PTPRD: variants seen among roughly 807,000 people sequenced by gnomAD.
PTPRD encodes the protein receptor-type tyrosine-protein phosphatase delta.
A neutral mutation model predicts 214.5 loss-of-function variants in PTPRD; 34 were observed. The ratio of observed to expected loss-of-function variants is 0.16; its 90% CI spans 0.12 to 0.21. The LOEUF (loss-of-function observed/expected upper bound fraction) is 0.21, where lower values mean the gene tolerates loss of function less well. PTPRD is among the 10% of genes least tolerant of loss of function. The probability of loss-of-function intolerance (pLI) is 1.00; values close to 1 mark genes in which losing one functional copy is unlikely to be tolerated. For synonymous variants in PTPRD, 1,128 were observed against 845.7 expected, an observed-to-expected ratio of 1.33 and a Z score of -5.79; for missense variants, 2,545 against 2,398.7, an observed-to-expected ratio of 1.06 and a Z score of -1.27.
intron 8 of PTPRD, among the ~76,000 whole-genome samples, chr9:9,489,982 CAA>C (rs200632324): frequency 6.6e-6 from 1 of 151,902 alleles, no homozygotes; most frequent in Non-Finnish European, 1.5e-5. Flanking sequence ...AAGCCAGAAA[CAA>C]AGAGAAAATC....
In PTPRD at chr9:10,139,064, T is replaced by G. The variant is rs559300633; in HGVS notation, c.-544-105274A>C. ...AGAGAAATCAAGCAAGAGAAAAAAA[T>G]AAAGAGGCATCCAAATAGAAAAAGA... On this transcript the variant is annotated intron_variant, in intron 3 of 45. Transcript: ENST00000381196. Among the ~76,000 whole-genome samples, 172 of 151,840 alleles carry G rather than the reference T, an allele frequency of 1.1e-3. 1 individual carries two copies. The South Asian group carries it at 0.017, about 15-fold the overall frequency.
At chr9:8,696,233 A>G (rs769455252) in intron 12 of PTPRD, among the ~76,000 whole-genome samples, 2 of 152,164 alleles carry the variant, frequency 1.3e-5, no homozygotes, top group Non-Finnish European at 2.9e-5. Context: ...GGCCTCTACC[A>G]TTCTTGCTTT....
chr9:10,404,505 T>C (rs1429196879), intron 2 of PTPRD, among the ~76,000 whole-genome samples: 5 of 151,866 alleles, frequency 3.3e-5, no homozygotes, highest in Admixed American at 2.6e-4. Context: ...ACAGTTTAGA[T>C]AATCATAGTA....
chr9:10,136,171 A>C (rs1417734656), intron 3 of PTPRD, among the ~76,000 whole-genome samples: 4 of 152,046 alleles, frequency 2.6e-5, no homozygotes, highest in African/African-American at 9.7e-5. Context: ...TATTCAATTC[A>C]ACAAGAACAC....
intron 5 of PTPRD, among the ~76,000 whole-genome samples, chr9:9,829,513 T>C (rs1330867214): frequency 6.6e-6 from 1 of 151,862 alleles, no homozygotes; most frequent in Non-Finnish European, 1.5e-5. Flanking sequence ...CCTAAAATAA[T>C]ATTTGTAATC....
intron 9 of PTPRD, among the ~76,000 whole-genome samples, chr9:9,242,464 T>C (rs1417582856): frequency 6.6e-5 from 10 of 152,280 alleles, no homozygotes; most frequent in East Asian, 5.8e-4. Flanking sequence ...CCATTCTCCC[T>C]GTCACTTTCA....
At chr9:9,193,085 T>C (rs1201318206) in intron 9 of PTPRD, among the ~76,000 whole-genome samples, 4 of 152,158 alleles carry the variant, frequency 2.6e-5, no homozygotes, top group Non-Finnish European at 5.9e-5. Flanking sequence ...GACCTGACTA[T>C]GAAATTCCAT....
chr9:8,521,481 C>T lies in PTPRD; in HGVS notation c.757G>A (p.Val253Ile), dbSNP rs760428875. Residue 253 changes from valine (V) to isoleucine (I), a missense_variant, in exon 20 of 46, where the codon GTT (valine) becomes ATT (isoleucine). Coordinates refer to ENST00000381196, the MANE Select transcript of PTPRD (RefSeq NM_002839.4). ...TNHEIMPGGS[V>I]NITCVAVGSP... ...CCCACGGCCACACAGGTGATATTAACGCTTCCGCCTGGCATGATTTCATGA... is the reference window on the plus strand; with the variant it reads ...CCCACGGCCACACAGGTGATATTAATGCTTCCGCCTGGCATGATTTCATGA... The T allele has an allele frequency of 7.8e-5, 126 of 1,613,842 alleles. No homozygotes were observed. The highest frequency in any genetic ancestry group is 6.9e-4 in the South Asian group (63 of 91,076).
chr9:9,918,130 C>A (rs1373374029), intron 5 of PTPRD, among the ~76,000 whole-genome samples: 1 of 151,884 alleles, frequency 6.6e-6, no homozygotes, highest in Non-Finnish European at 1.5e-5. Flanking sequence ...ACCTAGATGA[C>A]ATGATTTTGT....
intron 5 of PTPRD, among the ~76,000 whole-genome samples, chr9:9,826,284 T>C (rs910743280): frequency 5.9e-5 from 9 of 151,874 alleles, no homozygotes; most frequent in Non-Finnish European, 1.2e-4. Flanking sequence ...CTGAAATGAT[T>C]TTCTTTTATC....
chr9:9,240,838 A>G (rs1448274525), intron 9 of PTPRD, among the ~76,000 whole-genome samples: 1 of 152,182 alleles, frequency 6.6e-6, no homozygotes, highest in Non-Finnish European at 1.5e-5. Context: ...TTCGCTCATC[A>G]GGTTTCTAAT....
In PTPRD at chr9:9,823,233, C is replaced by T. The variant is rs568744345; in HGVS notation, c.-367-56382G>A. Reference sequence around the variant, plus strand: ...TTTATAGGAAGCACAGTGCCTCCATCTGCCTGGCTTCTGGGAAGGCCTCAG... The same window carrying T: ...TTTATAGGAAGCACAGTGCCTCCATTTGCCTGGCTTCTGGGAAGGCCTCAG... On this transcript the variant is annotated intron_variant, in intron 5 of 45. Transcript: ENST00000381196. 3.3e-5 allele frequency among the ~76,000 whole-genome samples: 5 copies of T among 152,238 alleles called. No individual in the cohort carries two copies. The East Asian group carries it at 9.7e-4, about 29-fold the overall frequency.
chr9:9,595,665 C>A (rs1241641487), intron 7 of PTPRD, among the ~76,000 whole-genome samples: 2 of 151,676 alleles, frequency 1.3e-5, no homozygotes, highest in Non-Finnish European at 2.9e-5. Context: ...AGATTGCAGG[C>A]TACTATTCTA....
At chr9:8,762,632 G>C (rs1376703427) in intron 11 of PTPRD, among the ~76,000 whole-genome samples, 1 of 152,070 alleles carries the variant, frequency 6.6e-6, no homozygotes, top group Non-Finnish European at 1.5e-5. Context: ...AAAATTAATG[G>C]CCTGCTGCAG....
chr9:10,366,134 C>T (rs567693453), intron 2 of PTPRD, among the ~76,000 whole-genome samples: 1 of 152,240 alleles, frequency 6.6e-6, no homozygotes, highest in Non-Finnish European at 1.5e-5. Flanking sequence ...GTGGGAGGCT[C>T]ATCTTTGGTT....
chr9:9,849,223 A>C (rs2060097067), intron 5 of PTPRD, among the ~76,000 whole-genome samples: 1 of 152,184 alleles, frequency 6.6e-6, no homozygotes, highest in African/African-American at 2.4e-5. Flanking sequence ...GCAGATCCCA[A>C]AGGATCACGC....
Position 10,433,014 on chromosome 9 carries a change from G to A in PTPRD, c.-599-91997C>T, listed in dbSNP as rs1484588180. 1.4e-4 allele frequency among the ~76,000 whole-genome samples: 21 copies of A among 151,662 alleles called. No individual in the cohort carries two copies. The Admixed American group carries it at 1.4e-3, about 10-fold the overall frequency. ...TACGTAAGTCCCTGTTACTAATATA[G>A]CTCCTCCTTTTTTTGTTTTAGTTTA... On this transcript the variant is annotated intron_variant, in intron 2 of 45. Coordinates refer to ENST00000381196, the MANE Select transcript of PTPRD (RefSeq NM_002839.4).
Position 8,948,221 on chromosome 9 carries a change from T to G in PTPRD, c.-104+70476A>C, listed in dbSNP as rs2099077852. On this transcript the variant is annotated intron_variant, in intron 11 of 45. Coordinates refer to ENST00000381196, the MANE Select transcript of PTPRD (RefSeq NM_002839.4). The stretch of plus-strand genomic sequence containing the variant: ...TTTTAGTAAGGATGGGGTTTCACCA[T>G]GTTGGCCAGGATAGTCTCCATCTCT... Among the ~76,000 whole-genome samples the G allele has an allele frequency of 3.4e-5, 5 of 148,974 alleles. No homozygotes were observed. The South Asian group carries it at 1.1e-3, about 32-fold the overall frequency.
chr9:9,844,149 A>C (rs998135351), intron 5 of PTPRD, among the ~76,000 whole-genome samples: 7 of 151,906 alleles, frequency 4.6e-5, no homozygotes, highest in Admixed American at 1.3e-4. Context: ...TACTGCCTTA[A>C]TTTTATTGTT....
Sources: gnomAD v4.1 joint callset for allele counts (sites outside exome capture counted in the v4.1 genomes callset) on GRCh38, gnomAD v4.1.1 for gene constraint, MANE v1.5 for transcripts, NCBI Gene and HGNC (gene_info 2026-07-23, HGNC 2026-07-21) for gene names.